The following CRYBG2 variants were observed in gnomAD, a reference collection of about 807,000 sequenced individuals.
CRYBG2 encodes beta/gamma crystallin domain-containing protein 2.
CRYBG2 carries 106 observed loss-of-function variants against 153.4 expected under a neutral mutation model. The ratio of observed to expected loss-of-function variants is 0.69; its 90% CI spans 0.59 to 0.81. CRYBG2 has a LOEUF of 0.81. Among genes scored for constraint, CRYBG2 ranks in the 30% least tolerant of loss-of-function variants. The pLI, the probability that CRYBG2 is intolerant of heterozygous loss-of-function variation, is 0.00. For synonymous variants in CRYBG2, 851 were observed against 877.8 expected, an observed-to-expected ratio of 0.97 and a Z score of 0.54; for missense variants, 1,996 against 2,112.0, an observed-to-expected ratio of 0.95 and a Z score of 1.08.
rs753228117 is a variant in CRYBG2, at chr1:26,336,731, A to C, written c.3913T>G (p.Trp1305Gly). The C allele has an allele frequency of 6.3e-7, 1 of 1,581,394 alleles. No individual in the cohort carries two copies. Among genetic ancestry groups the C allele is most frequent in the Non-Finnish European group, 8.6e-7 (1 of 1,164,214 alleles). ...TQAIHVLSGV[W>G]VAYQEVGFSG... ...AAGCCCACCTCCTGGTAGGCCACCCACCTGCAGGAAGGGCGGGGCGCGAGT... is the reference window on the plus strand; with the variant it reads ...AAGCCCACCTCCTGGTAGGCCACCCCCCTGCAGGAAGGGCGGGGCGCGAGT... Residue 1305 changes from tryptophan to glycine, a missense_variant and splice_region_variant, in exon 12 of 20, where the codon TGG becomes GGG. Trp to Gly is a radical substitution (Grantham distance 184). Coordinates refer to ENST00000308182, the MANE Select transcript of CRYBG2 (RefSeq NM_001039775.4). The surrounding 1 kb of genome is among the most constrained non-coding windows in gnomAD (Gnocchi z 4.9).
Position 26,328,783 on chromosome 1 carries a change from C to G in CRYBG2, c.4405G>C (p.Ala1469Pro). The G allele has an allele frequency of 6.2e-7, 1 of 1,614,134 alleles. No individual in the cohort carries two copies. Among genetic ancestry groups the G allele is most frequent in the Non-Finnish European group, 8.5e-7 (1 of 1,180,018 alleles). ...AGCACATGGTTGTTGAAGCCCTCGG[C>G]TTGCAGGCTCCGCACCTCCCTGCTG... ...ELSREVRSLQ[A>P]EGFNNHVLSV... The change falls in exon 16 of 20, where the codon GCC becomes CCC. Residue 1469 changes from alanine (A) to proline (P), a missense_variant. Ala to Pro is a conservative substitution (Grantham distance 27, BLOSUM62 -1). Coordinates refer to ENST00000308182, the MANE Select transcript of CRYBG2 (RefSeq NM_001039775.4).
chr1:26,335,367 T>G (rs899177764), intron 14 of CRYBG2, among the ~76,000 whole-genome samples: 1 of 152,106 alleles, frequency 6.6e-6, no homozygotes. Flanking sequence ...TCCCAGCTAC[T>G]TGGGAAGGCT....
intron 1 of CRYBG2, among the ~76,000 whole-genome samples, chr1:26,348,276 G>C (rs897917173): frequency 6.6e-6 from 1 of 152,136 alleles, no homozygotes; most frequent in Non-Finnish European, 1.5e-5. Context: ...GCCTCTCAGA[G>C]CTGGATGCAG....
intron 16 of CRYBG2, 140 bp downstream of exon 16, chr1:26,328,594 C>T: frequency 1.5e-6 from 2 of 1,340,242 alleles, no homozygotes; most frequent in Admixed American, 2.3e-5. Context: ...TCAGTCCGCA[C>T]TTCTCCCTCC....
intron 4 of CRYBG2, 38 bp from the exon 5 acceptor site, chr1:26,342,921 G>A (rs1031629025): frequency 1.9e-6 from 3 of 1,612,320 alleles, no homozygotes; most frequent in African/African-American, 1.3e-5. Flanking sequence ...AGATGGGGAG[G>A]AGGATGTGCC....
In CRYBG2 at chr1:26,322,283, C is replaced by T; in HGVS notation, c.4778G>A (p.Ser1593Asn). 6 of 1,613,870 alleles carry T rather than the reference C, an allele frequency of 3.7e-6. No homozygotes were observed. Among genetic ancestry groups the T allele is most frequent in the Non-Finnish European group, 4.2e-6 (5 of 1,180,004 alleles). The part of the protein sequence containing the change: ...TMSLQVIGPP[S>N]PGSKVVLWAE... The stretch of plus-strand genomic sequence containing the variant: ...CCACAGCACCACCTTGGAGCCTGGG[C>T]TAGGGGGTCCAATCACCTGTAGGCT... The change falls in exon 19 of 20, where the codon AGC becomes AAC. Residue 1593 changes from serine to asparagine, a missense_variant. Physicochemically the swap from Ser to Asn is conservative, Grantham distance 46. Transcript: ENST00000308182.
chr1:26,322,234 C>T lies in CRYBG2; in HGVS notation c.4827G>A (p.Gln1609=), dbSNP rs111708593. ...VLWAESRLPR[Q]TWSISESGHI... The stretch of plus-strand genomic sequence containing the variant: ...GGCCCGATTCACTGATGCTCCACGT[C>T]TGGCGCGGCAGGCGGCTCTCGGCCC... The change falls in exon 19 of 20, where the codon CAG becomes CAA. Residue 1609 remains glutamine (Q), a synonymous_variant. Transcript: ENST00000308182. The T allele has an allele frequency of 7.1e-5, 115 of 1,614,192 alleles. No homozygotes were observed. The African/African-American group carries it at 1.3e-3, about 19-fold the overall frequency.
intron 15 of CRYBG2, among the ~76,000 whole-genome samples, chr1:26,330,983 C>T (rs922349317): frequency 5.3e-5 from 8 of 152,226 alleles, no homozygotes; most frequent in African/African-American, 1.7e-4. Context: ...TCACTTCCAT[C>T]CATCTCTTCC....
chr1:26,352,508 T>C (rs1213444858), intron 1 of CRYBG2, among the ~76,000 whole-genome samples: 3 of 152,128 alleles, frequency 2.0e-5, no homozygotes, highest in Non-Finnish European at 4.4e-5. Context: ...TGCACACGTA[T>C]CTTACACATT....
intron 1 of CRYBG2, among the ~76,000 whole-genome samples, chr1:26,350,270 G>A (rs1463177237): frequency 6.6e-6 from 1 of 152,134 alleles, no homozygotes; most frequent in Non-Finnish European, 1.5e-5. Context: ...CCAGGTTCAG[G>A]TATTCCATTA....
In CRYBG2 at chr1:26,322,214, G is replaced by C; in HGVS notation, c.4847C>G (p.Ser1616Trp). ...LPRQTWSISESGHICSQMFEG... is the reference protein window; with the variant it reads ...LPRQTWSISEWGHICSQMFEG... ...GAACATCTGGCTGCAGATGTGGCCC[G>C]ATTCACTGATGCTCCACGTCTGGCG... is the stretch of plus-strand genomic sequence containing the variant. Residue 1616 changes from serine to tryptophan, a missense_variant, in exon 19 of 20, where the codon TCG becomes TGG. Ser to Trp is a radical substitution (Grantham distance 177). Transcript: ENST00000308182. 1 of 1,614,170 alleles carries C rather than the reference G, an allele frequency of 6.2e-7. No homozygotes were observed. Among genetic ancestry groups the C allele is most frequent in the Non-Finnish European group, 8.5e-7 (1 of 1,180,030 alleles).
rs1343633702 is a variant in CRYBG2 at position 26,336,345 on chromosome 1, A to G, written c.4064T>C (p.Val1355Ala). 4 of 1,613,602 alleles carry G rather than the reference A, an allele frequency of 2.5e-6. No individual in the cohort carries two copies. The South Asian group carries it at 4.4e-5, about 18-fold the overall frequency. ...GCGGAGTCCCTGCCTTACCTTTGAGACGAAGTGCAGATCGTGCTCCCCGAC... is the reference window on the plus strand; with the variant it reads ...GCGGAGTCCCTGCCTTACCTTTGAGGCGAAGTGCAGATCGTGCTCCCCGAC... Reference protein sequence around the residue: ...LQVGEHDLHFVSKIQLFSRPD... With the variant: ...LQVGEHDLHFASKIQLFSRPD... The change falls in exon 13 of 20, where the codon GTC becomes GCC. Residue 1355 changes from valine to alanine, a missense_variant. Val to Ala is a moderately conservative substitution (Grantham distance 64, BLOSUM62 0). Transcript: ENST00000308182. This position sits in a 1 kb window ranked among gnomAD's most constrained non-coding sequence, Gnocchi z 4.9.
At position 26,344,751 on chromosome 1, in the gene CRYBG2, C is replaced by T; in HGVS notation, c.1907G>A (p.Gly636Asp). The stretch of plus-strand genomic sequence containing the variant: ...TTGGATGCTACTGCTGCCTTTTGGG[C>T]CCTGGACAACCTCAGTTGACTTGGG... ...LSPKSTEVVQ[G>D]PKGSSSIQKE... Residue 636 changes from glycine to aspartate, a missense_variant, in exon 2 of 20, where the codon GGC becomes GAC. By Grantham distance (94) the Gly-to-Asp change is moderately conservative. Transcript: ENST00000308182. 1 of 1,535,976 alleles carries T rather than the reference C, an allele frequency of 6.5e-7. No individual in the cohort carries two copies. The highest frequency in any genetic ancestry group is 8.7e-7 in the Non-Finnish European group (1 of 1,146,816).
At position 26,336,077 on chromosome 1, in the gene CRYBG2, GC is replaced by G. The variant is rs1294341295; in HGVS notation, c.4184+17del. The G allele has an allele frequency of 2.1e-6, 3 of 1,431,054 alleles. No homozygotes were observed. The highest frequency in any genetic ancestry group is 1.8e-6 in the Non-Finnish European group (2 of 1,083,608). 88.6% of individuals were successfully genotyped at this position (1,431,054 alleles called of 1,614,324 possible). A position where few individuals can be genotyped will look rare whatever the true frequency, so the allele number is the denominator to read the frequency against. ...TCTGCCCCAGCGCCCCCAGCCCTCC[GC>G]CCCTCCACGTTCTCACCTGCCGCCG... On this transcript the variant is annotated intron_variant, in intron 14 of 19. Coordinates refer to ENST00000308182, the MANE Select transcript of CRYBG2 (RefSeq NM_001039775.4). The surrounding 1 kb of genome is among the most constrained non-coding windows in gnomAD (Gnocchi z 4.9).
In CRYBG2 at chr1:26,343,631, G is replaced by C. The variant is rs1273529700; in HGVS notation, c.2913+114C>G. The C allele has an allele frequency of 1.5e-6, 2 of 1,319,124 alleles. No individual in the cohort carries two copies. The highest frequency in any genetic ancestry group is 1.5e-5 in the African/African-American group (1 of 67,268). 81.7% of individuals were successfully genotyped at this position (1,319,124 alleles called of 1,614,324 possible). ...CACAGGTCAACTGAACCAGACTTCAGACAGAAGCCTCTGCCCCCAGACTCT... is the reference window on the plus strand; with the variant it reads ...CACAGGTCAACTGAACCAGACTTCACACAGAAGCCTCTGCCCCCAGACTCT... On this transcript the variant is annotated intron_variant, in intron 2 of 19. Transcript: ENST00000308182. This position sits in a 1 kb window ranked among gnomAD's most constrained non-coding sequence, Gnocchi z 4.1.
chr1:26,330,517 G>T (rs1248736824), intron 15 of CRYBG2, among the ~76,000 whole-genome samples: 1 of 148,700 alleles, frequency 6.7e-6, no homozygotes, highest in Non-Finnish European at 1.5e-5. Context: ...AGATTAAAAG[G>T]CTTTAGTATA....
rs1421773177 is a variant in CRYBG2 at position 26,338,398 on chromosome 1, A to T, written c.3424T>A (p.Trp1142Arg). The T allele has an allele frequency of 6.2e-7, 1 of 1,613,366 alleles. No homozygotes were observed. The highest frequency in any genetic ancestry group is 1.3e-5 in the African/African-American group (1 of 74,904). Residue 1142 changes from tryptophan to arginine, a missense_variant, in exon 7 of 20, where the codon TGG becomes AGG. Coordinates refer to ENST00000308182, the MANE Select transcript of CRYBG2 (RefSeq NM_001039775.4). The stretch of plus-strand genomic sequence containing the variant: ...CCCACGCTGGGGTCCGATGTGCCCC[A>T]GGCCTCTGAGGTGGGGTACTCTCCA... ...EPGEYPTSEA[W>R]GTSDPSVGSL...
At chr1:26,326,067 T>C (rs2073921416) in intron 17 of CRYBG2, among the ~76,000 whole-genome samples, 1 of 151,872 alleles carries the variant, frequency 6.6e-6, no homozygotes, top group Non-Finnish European at 1.5e-5. Flanking sequence ...TTCTTTTGTA[T>C]TTTTTGTAGA....
At chr1:26,341,314 C>G (rs1387042102) in intron 5 of CRYBG2, among the ~76,000 whole-genome samples, 1 of 151,718 alleles carries the variant, frequency 6.6e-6, no homozygotes, top group Non-Finnish European at 1.5e-5. Context: ...GCACTCCAGC[C>G]TGGGCAACAG....
Sources: gnomAD v4.1 joint callset for allele counts (sites outside exome capture counted in the v4.1 genomes callset) on GRCh38, gnomAD v4.1.1 for gene constraint, Gnocchi (gnomAD v3.1) non-coding constraint, MANE v1.5 for transcripts, NCBI Gene and HGNC (gene_info 2026-07-23, HGNC 2026-07-21) for gene names.